PDXDC1: variants seen among roughly 807,000 people sequenced by gnomAD.
The protein encoded by PDXDC1 is pyridoxal dependent decarboxylase domain containing 1.
PDXDC1 carries 42 observed loss-of-function variants against 100.1 expected under a neutral mutation model. The ratio of observed to expected loss-of-function variants is 0.42; its 90% confidence interval spans 0.33 to 0.54. The LOEUF (loss-of-function observed/expected upper bound fraction) is 0.54. Ranked by LOEUF, PDXDC1 falls within the 20% of genes least tolerant of loss-of-function variation. PDXDC1 has a pLI of 0.10. For synonymous variants in PDXDC1, 260 were observed against 371.7 expected (o/e 0.70, Z 3.46); for missense variants, 636 against 979.2 (o/e 0.65, Z 4.68).
intron 1 of PDXDC1, among the ~76,000 whole-genome samples, chr16:14,993,810 T>G (rs1466401623): frequency 6.6e-6 from 1 of 152,306 alleles, no homozygotes; most frequent in African/African-American, 2.4e-5. Flanking sequence ...ACCTGTTGTT[T>G]CCTGACTTTT....
chr16:15,033,562 AAGT>A (rs2043198787), intron 19 of PDXDC1, among the ~76,000 whole-genome samples, 163 bp downstream of exon 19: 1 of 152,196 alleles, frequency 6.6e-6, no homozygotes, highest in Admixed American at 6.5e-5. Context: ...CAGAGATGCC[AAGT>A]AGGTTTGACA....
At chr16:15,039,992 C>G, downstream of PDXDC1, 1 of 1,607,812 alleles carries the variant, frequency 6.2e-7, no homozygotes, top group Non-Finnish European at 8.5e-7. Context: ...AAAGTTCGCG[C>G]AGCACGAAGC....
intron 16 of PDXDC1, among the ~76,000 whole-genome samples, chr16:15,082,110 T>C (rs2045730193): frequency 1.3e-5 from 2 of 152,212 alleles, no homozygotes; most frequent in African/African-American, 4.8e-5. Context: ...TTTTCTTGCC[T>C]AACTGCCTTG....
chr16:15,149,674 T>A, the PDXDC1 span, among the ~76,000 whole-genome samples: 1 of 152,152 alleles, frequency 6.6e-6, no homozygotes, highest in African/African-American at 2.4e-5. Context: ...ATATTTTACA[T>A]CAGTGAACCA....
intron 16 of PDXDC1, among the ~76,000 whole-genome samples, chr16:15,111,009 A>G (rs1476925159): frequency 6.7e-6 from 1 of 148,260 alleles, no homozygotes; most frequent in Non-Finnish European, 1.5e-5. Context: ...GGCGCCTGTA[A>G]TCCGAGCTAC....
At chr16:15,019,401 G>A (rs1391198795) in intron 12 of PDXDC1, among the ~76,000 whole-genome samples, 34 of 152,256 alleles carry the variant, frequency 2.2e-4, no homozygotes, top group Non-Finnish European at 4.3e-4. Flanking sequence ...GGGCTCTTGG[G>A]GACAATTCTA....
intron 14 of PDXDC1, among the ~76,000 whole-genome samples, chr16:15,027,737 C>T (rs1382570734): frequency 5.3e-5 from 8 of 152,290 alleles, no homozygotes; most frequent in Admixed American, 1.3e-4. Context: ...CATGACCAGC[C>T]GCTTGTGTCT....
chr16:15,040,040 A>G (rs1037288319), downstream of PDXDC1: 2 of 1,610,226 alleles, frequency 1.2e-6, no homozygotes, highest in Non-Finnish European at 1.7e-6. Flanking sequence ...GATGCTCTGT[A>G]AATCTCTGCA....
At chr16:15,088,754 T>A (rs1419773277) in intron 16 of PDXDC1, among the ~76,000 whole-genome samples, 1 of 152,138 alleles carries the variant, frequency 6.6e-6, no homozygotes, top group Non-Finnish European at 1.5e-5. Flanking sequence ...ATGGCAGGCA[T>A]GTATAGTGAC....
At chr16:15,034,613 C>A in intron 21 of PDXDC1, 60 bp downstream of exon 21, 1 of 1,241,994 alleles carries the variant, frequency 8.1e-7, no homozygotes, top group Non-Finnish European at 1.2e-6. Flanking sequence ...ACCAAATGCC[C>A]TTGGGTCCCA....
chr16:15,149,880 C>T, the PDXDC1 span, among the ~76,000 whole-genome samples: 11 of 152,226 alleles, frequency 7.2e-5, no homozygotes, highest in African/African-American at 2.6e-4. Flanking sequence ...AATGGGATGT[C>T]GGCTCCAACG....
At chr16:15,088,477 A>G (rs2045994988) in intron 16 of PDXDC1, among the ~76,000 whole-genome samples, 1 of 152,172 alleles carries the variant, frequency 6.6e-6, no homozygotes, top group Non-Finnish European at 1.5e-5. Flanking sequence ...CAAGATGGAA[A>G]AAAGTTCTAC....
chr16:15,110,160 A>C lies in PDXDC1; in HGVS notation c.1400-28719A>C, dbSNP rs1320204022. Among the ~76,000 whole-genome samples the C allele has an allele frequency of 1.3e-5, 2 of 149,950 alleles. 1 individual carries two copies. Among genetic ancestry groups the C allele is most frequent in the Non-Finnish European group, 3.0e-5 (2 of 67,200 alleles). On this transcript the variant is annotated intron_variant, in intron 16 of 16. Transcript: ENST00000535621. ...AGCCCCATCTCAGGAAAAAAAAAAA[A>C]AGAGAGAGAGAGACAAAGGAAAACC...
downstream of PDXDC1, chr16:15,038,552 TACCC>T: frequency 7.6e-7 from 1 of 1,313,844 alleles, no homozygotes; most frequent in Non-Finnish European, 1.1e-6. Flanking sequence ...ATTTAAGACT[TACCC>T]AGCCTGTAAA....
downstream of PDXDC1, among the ~76,000 whole-genome samples, chr16:15,042,798 T>A (rs1327763360): frequency 6.6e-6 from 1 of 151,982 alleles, no homozygotes; most frequent in African/African-American, 2.4e-5. Context: ...AGTGGTGTGA[T>A]CTCAGCTCAC....
In PDXDC1 at chr16:15,031,036, C is replaced by T. The variant is rs183308698; in HGVS notation, c.1400-699C>T. 1.9e-3 allele frequency among the ~76,000 whole-genome samples: 278 copies of T among 149,278 alleles called. 1 individual carries two copies. The highest frequency in any genetic ancestry group is 2.1e-3 in the Non-Finnish European group (143 of 67,276). On this transcript the variant is annotated intron_variant, in intron 16 of 22. Coordinates refer to ENST00000396410, the MANE Select transcript of PDXDC1 (RefSeq NM_015027.4). ...TCTTCACCATAGCTCATTGCAACCTCGACCTCCTGGGCTCAAGCAATCCCC... is the reference window on the plus strand; with the variant it reads ...TCTTCACCATAGCTCATTGCAACCTTGACCTCCTGGGCTCAAGCAATCCCC...
intron 16 of PDXDC1, chr16:15,133,333 C>A: frequency 1.5e-6 from 2 of 1,369,180 alleles, no homozygotes; most frequent in Non-Finnish European, 1.0e-6. Flanking sequence ...GCCGCAGCAG[C>A]CCCGGGAGCA....
At chr16:15,011,631 C>CTTTTTTTTTTTTTTTTTTTTTCTTTTTT in intron 8 of PDXDC1, among the ~76,000 whole-genome samples, 1 of 131,276 alleles carries the variant, frequency 7.6e-6, no homozygotes, top group Non-Finnish European at 1.6e-5. Context: ...ACATTTTTTT[C>CTTTTTTTTTTTTTTTTTTTTTCTTTTTT]TTTTTTTTTT....
chr16:15,084,758 C>T, intron 16 of PDXDC1: 3 of 1,248,158 alleles, frequency 2.4e-6, no homozygotes, highest in Non-Finnish European at 1.2e-6. Flanking sequence ...TGAAGGGCGA[C>T]ACGCTTGAAG....
Sources: gnomAD v4.1 joint callset for allele counts (sites outside exome capture counted in the v4.1 genomes callset) on GRCh38, gnomAD v4.1.1 for gene constraint, MANE v1.5 for transcripts, NCBI Gene and HGNC (gene_info 2026-07-23, HGNC 2026-07-21) for gene names.